The following ATL3 variants were observed in gnomAD, a reference collection of about 807,000 sequenced individuals.
The protein encoded by ATL3 is atlastin GTPase 3.
A neutral mutation model predicts 69.5 loss-of-function variants in ATL3; 49 were observed. That is an observed-to-expected ratio of 0.71 (90% confidence interval 0.56 to 0.89). The LOEUF is 0.89. Ranked by LOEUF, ATL3 falls within the 40% of genes least tolerant of loss-of-function variation. The pLI is 0.00. For synonymous variants in ATL3, 214 were observed against 224.1 expected (o/e 0.95, Z 0.40); for missense variants, 606 against 645.7 (o/e 0.94, Z 0.67).
At chr11:63,671,599 C>G, upstream of ATL3, 2 of 1,423,426 alleles carry the variant, frequency 1.4e-6, no homozygotes, top group Non-Finnish European at 1.8e-6. Flanking sequence ...ATCCCGCCAC[C>G]GCCTGCCGCG....
upstream of ATL3, chr11:63,671,607 G>C (rs1289047565): frequency 7.0e-6 from 10 of 1,425,968 alleles, no homozygotes; most frequent in South Asian, 1.3e-5. Flanking sequence ...ACCGCCTGCC[G>C]CGTGTGCGCG....
chr11:63,649,388 C>G (rs1218831232), intron 5 of ATL3, among the ~76,000 whole-genome samples: 10 of 152,054 alleles, frequency 6.6e-5, no homozygotes. Flanking sequence ...TCATGATTCA[C>G]CTGCCTCAGC....
At position 63,632,768 on chromosome 11, in the gene ATL3, G is replaced by A; in HGVS notation, c.1107+258C>T. 9 of 910,540 alleles carry A rather than the reference G, an allele frequency of 9.9e-6. 1 individual carries two copies. The highest frequency in any genetic ancestry group is 1.6e-5 in the Non-Finnish European group (9 of 564,730). 56.4% of individuals were successfully genotyped at this position (910,540 alleles called of 1,614,324 possible). A position where few individuals can be genotyped will look rare whatever the true frequency, so the allele number is the denominator to read the frequency against. ...CTTGATTATTGTCTCCTGCTCATGT[G>A]AATTTATTACTCCCATTGAAACTAT... On this transcript the variant is annotated intron_variant, in intron 11 of 12. Coordinates refer to ENST00000398868, the MANE Select transcript of ATL3 (RefSeq NM_015459.5).
chr11:63,630,525 C>A (rs1361901028), intron 12 of ATL3, among the ~76,000 whole-genome samples: 1 of 150,924 alleles, frequency 6.6e-6, no homozygotes, highest in Non-Finnish European at 1.5e-5. Flanking sequence ...GGGCTGGGCA[C>A]GGTGGCTCAC....
intron 1 of ATL3, among the ~76,000 whole-genome samples, chr11:63,664,549 A>AG (rs1940517904): frequency 6.6e-6 from 1 of 151,954 alleles, no homozygotes. Context: ...TTTAAAAAAA[A>AG]GCGTACTGAG....
rs762397241 is a variant in ATL3 at position 63,631,360 on chromosome 11, T to C, written c.1219A>G (p.Lys407Glu). The C allele has an allele frequency of 3.7e-6, 6 of 1,614,222 alleles. No homozygotes were observed. In the Admixed American group the frequency reaches 8.3e-5, roughly 22 times the overall value. ...TGCTGGTAACGAAAGCTGAAATCCTTCCCACCCATCTTCTTGGTCTTCTTA... is the reference window on the plus strand; with the variant it reads ...TGCTGGTAACGAAAGCTGAAATCCTCCCCACCCATCTTCTTGGTCTTCTTA... Reference protein sequence around the residue: ...HFKKTKKMGGKDFSFRYQQEL... With the variant: ...HFKKTKKMGGEDFSFRYQQEL... The change falls in exon 12 of 13, where the codon AAG (lysine) becomes GAG (glutamate). Residue 407 changes from lysine (K) to glutamate (E), a missense_variant. Lys to Glu is a moderately conservative substitution (Grantham distance 56). Transcript: ENST00000398868.
chr11:63,635,742 T>G (rs1939493764), intron 9 of ATL3, 152 bp from the exon 10 acceptor site: 2 of 628,400 alleles, frequency 3.2e-6, no homozygotes, highest in East Asian at 5.5e-5. Flanking sequence ...CACCTTTGAG[T>G]GCATGTTAGC....
intron 6 of ATL3, 48 bp downstream of exon 6, chr11:63,646,459 G>T: frequency 3.1e-6 from 4 of 1,280,706 alleles, no homozygotes; most frequent in Non-Finnish European, 4.4e-6. Context: ...GCCAATCTGT[G>T]AAAACAAAAA....
At chr11:63,630,987 GC>G in intron 12 of ATL3, 52 bp downstream of exon 12, 2 of 1,506,402 alleles carry the variant, frequency 1.3e-6, no homozygotes, top group Non-Finnish European at 1.8e-6. Flanking sequence ...TACAACAGAA[GC>G]ACAAATATCT....
intron 8 of ATL3, among the ~76,000 whole-genome samples, chr11:63,639,388 A>G (rs1939618869): frequency 6.6e-6 from 1 of 152,218 alleles, no homozygotes; most frequent in South Asian, 2.1e-4. Context: ...CACAGAGGGC[A>G]GGCTTTTAAC....
At chr11:63,659,311 T>C (rs1339136063) in intron 1 of ATL3, 59 bp from the exon 2 acceptor site, 13 of 1,494,694 alleles carry the variant, frequency 8.7e-6, no homozygotes, top group African/African-American at 1.4e-5. Flanking sequence ...TTTTTGAATA[T>C]AGGGAAAACA....
At chr11:63,656,747 AAAC>A (rs753541708) in intron 3 of ATL3, among the ~76,000 whole-genome samples, 8 of 151,416 alleles carry the variant, frequency 5.3e-5, no homozygotes, top group Non-Finnish European at 8.8e-5. Flanking sequence ...AAAAAAAAAG[AAAC>A]AATGTCAGCA....
At chr11:63,665,345 CAAAAAAAA>C (rs1234905053) in intron 1 of ATL3, among the ~76,000 whole-genome samples, 1 of 75,254 alleles carries the variant, frequency 1.3e-5, no homozygotes, top group Non-Finnish European at 2.8e-5. Flanking sequence ...GACTCCATCT[CAAAAAAAA>C]AAAAAAAAAA....
chr11:63,662,168 G>A (rs187606217), intron 1 of ATL3, among the ~76,000 whole-genome samples: 122 of 150,102 alleles, frequency 8.1e-4, no homozygotes, highest in Non-Finnish European at 1.6e-3. Flanking sequence ...AGCCAAGACC[G>A]TGCCACTGCA....
At chr11:63,668,054 C>T (rs1035441446) in intron 1 of ATL3, among the ~76,000 whole-genome samples, 1 of 152,274 alleles carries the variant, frequency 6.6e-6, no homozygotes, top group East Asian at 1.9e-4. Flanking sequence ...TTTATCCTTA[C>T]CATTCAAAGA....
chr11:63,629,134 T>C lies in ATL3; in HGVS notation c.*185A>G. The C allele has an allele frequency of 1.8e-6, 1 of 569,220 alleles. No homozygotes were observed. The highest frequency in any genetic ancestry group is 3.2e-6 in the Non-Finnish European group (1 of 315,114). 35.3% of individuals were successfully genotyped at this position (569,220 alleles called of 1,614,324 possible). ...GGAAAAGAAATGCTTCCAAGAGAAA[T>C]GGAAGTGTGTTTAATAATTTGAAAC... On this transcript the variant is annotated 3_prime_UTR_variant, in exon 13 of 13. Transcript: ENST00000398868.
intron 11 of ATL3, chr11:63,632,613 C>A: frequency 1.1e-6 from 1 of 886,272 alleles, no homozygotes; most frequent in Non-Finnish European, 1.9e-6. Context: ...TACTATGGAC[C>A]TATTCCATAT....
At chr11:63,653,041 AT>A (rs1054087887) in intron 3 of ATL3, among the ~76,000 whole-genome samples, 1 of 152,132 alleles carries the variant, frequency 6.6e-6, no homozygotes, top group African/African-American at 2.4e-5. Context: ...AATTTAAAAA[AT>A]TAGGTCAGGC....
intron 8 of ATL3, 30 bp downstream of exon 8, chr11:63,643,327 C>T (rs1421757331): frequency 2.6e-6 from 4 of 1,548,382 alleles, no homozygotes; most frequent in Non-Finnish European, 3.5e-6. Flanking sequence ...AAGATCGAAT[C>T]ACAGGTTTAA....
Sources: allele counts gnomAD v4.1 joint callset (sites outside exome capture counted in the v4.1 genomes callset), GRCh38; gene constraint gnomAD v4.1.1; transcripts MANE v1.5; gene names NCBI Gene and HGNC (gene_info 2026-07-23, HGNC 2026-07-21).